The following RWDD2A variants were observed in gnomAD, a reference collection of about 807,000 sequenced individuals.
RWDD2A encodes RWD domain containing 2A.
RWDD2A carries 15 observed loss-of-function variants against 23.1 expected under a neutral mutation model. That is an observed-to-expected ratio of 0.65 (90% CI 0.43 to 1.00). RWDD2A has a LOEUF of 1.00. RWDD2A is among the 50% of genes least tolerant of loss of function. RWDD2A has a pLI of 0.00. For missense variants in RWDD2A, 310 were observed against 341.7 expected (o/e 0.91, Z 0.73); for synonymous variants, 103 against 123.0 (o/e 0.84, Z 1.08).
rs1325885422 is a variant in RWDD2A at position 83,197,128 on chromosome 6, T to C, written c.*856T>C. ...CAATGCTATGTGTTCTGGCTGTTTATATCAGTTCATGATACTAGCAATCCT... is the reference window on the plus strand; with the variant it reads ...CAATGCTATGTGTTCTGGCTGTTTACATCAGTTCATGATACTAGCAATCCT... On this transcript the variant is annotated 3_prime_UTR_variant, in exon 3 of 3. Transcript: ENST00000369724. 2 of 152,264 alleles carry C rather than the reference T, an allele frequency of 1.3e-5. No individual in the cohort carries two copies. Among genetic ancestry groups the C allele is most frequent in the Non-Finnish European group, 1.5e-5 (1 of 68,042 alleles). 9.4% of individuals were successfully genotyped at this position (152,264 alleles called of 1,614,324 possible).
rs1250845399 is a variant in RWDD2A, at chr6:83,193,663, G to T, written c.-141+220G>T. Among the ~76,000 whole-genome samples the T allele has an allele frequency of 2.0e-5, 3 of 152,188 alleles. No homozygotes were observed. The East Asian group carries it at 5.8e-4, about 29-fold the overall frequency. On this transcript the variant is annotated intron_variant, in intron 1 of 2. Coordinates refer to ENST00000369724, the MANE Select transcript of RWDD2A (RefSeq NM_033411.5). Reference sequence around the variant, plus strand: ...CGGACAGGGCGACCTCGCCCACAGTGAGCGCCGCCGGCGGCCCGCATCCCC... The same window carrying T: ...CGGACAGGGCGACCTCGCCCACAGTTAGCGCCGCCGGCGGCCCGCATCCCC...
In RWDD2A at chr6:83,195,777, G is replaced by A; in HGVS notation, c.384G>A (p.Gln128=). The A allele has an allele frequency of 6.2e-7, 1 of 1,614,156 alleles. No individual in the cohort carries two copies. Among genetic ancestry groups the A allele is most frequent in the Non-Finnish European group, 8.5e-7 (1 of 1,180,026 alleles). ...LCVCAAIQWL[Q]DNSASYFLNR... Reference sequence around the variant, plus strand: ...TATGTGCAGCAATCCAGTGGCTACAGGACAACAGTGCATCTTATTTCCTGA... The same window carrying A: ...TATGTGCAGCAATCCAGTGGCTACAAGACAACAGTGCATCTTATTTCCTGA... The change falls in exon 3 of 3, where the codon CAG becomes CAA. Residue 128 remains glutamine, a synonymous_variant. Coordinates refer to ENST00000369724, the MANE Select transcript of RWDD2A (RefSeq NM_033411.5).
At chr6:83,194,688 A>G in intron 2 of RWDD2A, 36 bp downstream of exon 2, 1 of 1,491,184 alleles carries the variant, frequency 6.7e-7, no homozygotes. Context: ...CCAGGTGCCC[A>G]GTTTTTAATT....
Position 83,198,471 on chromosome 6 carries a change from C to CA in RWDD2A, c.*2203dup, listed in dbSNP as rs1425264141. On this transcript the variant is annotated 3_prime_UTR_variant, in exon 3 of 3. Coordinates refer to ENST00000369724, the MANE Select transcript of RWDD2A (RefSeq NM_033411.5). ...AGAAAAAAAAAGTACATGTATAATT[C>CA]AAAACTCAACTTTGTATGTATAGGA... The CA allele has an allele frequency of 2.6e-5, 4 of 152,026 alleles. No homozygotes were observed. The highest frequency in any genetic ancestry group is 2.0e-4 in the Admixed American group (3 of 15,258). 9.4% of individuals were successfully genotyped at this position (152,026 alleles called of 1,614,324 possible).
chr6:83,195,789 A>G lies in RWDD2A; in HGVS notation c.396A>G (p.Ala132=), dbSNP rs879019455. 5.0e-6 allele frequency: 8 copies of G among 1,614,200 alleles called. No individual in the cohort carries two copies. The highest frequency in any genetic ancestry group is 6.8e-6 in the Non-Finnish European group (8 of 1,180,030). ...TCCAGTGGCTACAGGACAACAGTGC[A>G]TCTTATTTCCTGAACAGAAAGCTTG... ...AAIQWLQDNS[A]SYFLNRKLVY... Residue 132 remains alanine, a synonymous_variant, in exon 3 of 3, where the codon GCA becomes GCG. Coordinates refer to ENST00000369724, the MANE Select transcript of RWDD2A (RefSeq NM_033411.5).
Position 83,196,523 on chromosome 6 carries a change from A to G in RWDD2A, c.*251A>G, listed in dbSNP as rs1308800267. The G allele has an allele frequency of 3.8e-6, 1 of 260,198 alleles. No individual in the cohort carries two copies. Among genetic ancestry groups the G allele is most frequent in the Non-Finnish European group, 7.2e-6 (1 of 139,090 alleles). The allele number at this position is 260,198 out of a possible 1,614,324, so 16.1% of individuals were successfully genotyped here. ...AAACTATTTCATTGTAAATTAATAA[A>G]AACAATCCATTTAACTTGTGAAGCT... On this transcript the variant is annotated 3_prime_UTR_variant, in exon 3 of 3. Transcript: ENST00000369724.
chr6:83,194,964 C>T (rs1469843777), intron 2 of RWDD2A, among the ~76,000 whole-genome samples: 1 of 152,182 alleles, frequency 6.6e-6, no homozygotes, highest in Non-Finnish European at 1.5e-5. Context: ...TAAATATCTC[C>T]TGTAACATAA....
chr6:83,195,146 C>T (rs1313884270), intron 2 of RWDD2A, among the ~76,000 whole-genome samples: 1 of 152,200 alleles, frequency 6.6e-6, no homozygotes, highest in African/African-American at 2.4e-5. Context: ...CATTTGAGAA[C>T]CACTGTTGTA....
chr6:83,195,533 C>T, intron 2 of RWDD2A, 62 bp from the exon 3 acceptor site: 1 of 1,355,050 alleles, frequency 7.4e-7, no homozygotes, highest in Non-Finnish European at 1.0e-6. Context: ...CATGCAGTTG[C>T]TATTGATAAA....
chr6:83,196,482 G>A lies in RWDD2A; in HGVS notation c.*210G>A, dbSNP rs951620351. ...ATTGTGATGTTATCTCTAGGTTTTT[G>A]TGTGAAGTCATTCAAAAACTATTTC... On this transcript the variant is annotated 3_prime_UTR_variant, in exon 3 of 3. Coordinates refer to ENST00000369724, the MANE Select transcript of RWDD2A (RefSeq NM_033411.5). 2 of 341,882 alleles carry A rather than the reference G, an allele frequency of 5.8e-6. No homozygotes were observed. The highest frequency in any genetic ancestry group is 1.0e-5 in the Non-Finnish European group (2 of 191,788). 21.2% of individuals were successfully genotyped at this position (341,882 alleles called of 1,614,324 possible). A position where few individuals can be genotyped will look rare whatever the true frequency, so the allele number is the denominator to read the frequency against.
chr6:83,198,138 A>G lies in RWDD2A; in HGVS notation c.*1866A>G, dbSNP rs932890792. On this transcript the variant is annotated 3_prime_UTR_variant, in exon 3 of 3. Transcript: ENST00000369724. ...AGTCTCCACAAAGCTATCAATAAGTATAATTCGCATTTACAAGTTTTAGGC... is the reference window on the plus strand; with the variant it reads ...AGTCTCCACAAAGCTATCAATAAGTGTAATTCGCATTTACAAGTTTTAGGC... 2.6e-5 allele frequency: 4 copies of G among 152,252 alleles called. No individual in the cohort carries two copies. Among genetic ancestry groups the G allele is most frequent in the Non-Finnish European group, 5.9e-5 (4 of 68,048 alleles). The allele number at this position is 152,252 out of a possible 1,614,324, so 9.4% of individuals were successfully genotyped here. A position where few individuals can be genotyped will look rare whatever the true frequency, so the allele number is the denominator to read the frequency against.
In RWDD2A at chr6:83,198,211, C is replaced by A. The variant is rs1789666742; in HGVS notation, c.*1939C>A. The A allele has an allele frequency of 1.3e-5, 2 of 152,146 alleles. No individual in the cohort carries two copies. Among genetic ancestry groups the A allele is most frequent in the South Asian group, 4.1e-4 (2 of 4,834 alleles). The allele number at this position is 152,146 out of a possible 1,614,324, so 9.4% of individuals were successfully genotyped here. ...CAAATGAATCAATATGTGCCATCAA[C>A]CTACCTTATAGAGGTGTTTTTCCTG... On this transcript the variant is annotated 3_prime_UTR_variant, in exon 3 of 3. Transcript: ENST00000369724.
chr6:83,194,749 G>T, intron 2 of RWDD2A, 97 bp downstream of exon 2: 1 of 880,138 alleles, frequency 1.1e-6, no homozygotes. Context: ...AAATATTCCA[G>T]GTGCATATTT....
At position 83,197,239 on chromosome 6, in the gene RWDD2A, C is replaced by T. The variant is rs1361374414; in HGVS notation, c.*967C>T. ...AAGTATTCGCCTGTTTCAATCCAACCTTTGCCTGTGTGCCAGTATGCATTA... is the reference window on the plus strand; with the variant it reads ...AAGTATTCGCCTGTTTCAATCCAACTTTTGCCTGTGTGCCAGTATGCATTA... On this transcript the variant is annotated 3_prime_UTR_variant, in exon 3 of 3. Coordinates refer to ENST00000369724, the MANE Select transcript of RWDD2A (RefSeq NM_033411.5). 1 of 152,132 alleles carries T rather than the reference C, an allele frequency of 6.6e-6. No homozygotes were observed. The highest frequency in any genetic ancestry group is 1.5e-5 in the Non-Finnish European group (1 of 68,044). The allele number at this position is 152,132 out of a possible 1,614,324, so 9.4% of individuals were successfully genotyped here.
rs1469370932 is a variant in RWDD2A, at chr6:83,196,299, A to G, written c.*27A>G. ...AAGCGATTAAGAGGCCTATGCCTGT[A>G]ATTTCACTAAGTCAGTATTTCTGTT... is the stretch of plus-strand genomic sequence containing the variant. On this transcript the variant is annotated 3_prime_UTR_variant, in exon 3 of 3. Coordinates refer to ENST00000369724, the MANE Select transcript of RWDD2A (RefSeq NM_033411.5). 1 of 1,485,716 alleles carries G rather than the reference A, an allele frequency of 6.7e-7. No individual in the cohort carries two copies. Among genetic ancestry groups the G allele is most frequent in the South Asian group, 1.4e-5 (1 of 69,480 alleles). 92.0% of individuals were successfully genotyped at this position (1,485,716 alleles called of 1,614,324 possible). A position where few individuals can be genotyped will look rare whatever the true frequency, so the allele number is the denominator to read the frequency against.
In RWDD2A at chr6:83,197,742, C is replaced by T. The variant is rs1355864554; in HGVS notation, c.*1470C>T. ...TGATGAAACTACCATCTGGTTTTAC[C>T]CTCTGTGCCGTGGATGCAGACGTGT... On this transcript the variant is annotated 3_prime_UTR_variant, in exon 3 of 3. Transcript: ENST00000369724. 2.0e-5 allele frequency: 3 copies of T among 152,334 alleles called. No homozygotes were observed. The highest frequency in any genetic ancestry group is 1.9e-4 in the East Asian group (1 of 5,186). 9.4% of individuals were successfully genotyped at this position (152,334 alleles called of 1,614,324 possible).
chr6:83,193,540 G>A (rs1009830317), intron 1 of RWDD2A, 97 bp downstream of exon 1: 28 of 152,302 alleles, frequency 1.8e-4, no homozygotes, highest in African/African-American at 6.3e-4. Flanking sequence ...CCAAATCCGG[G>A]CCTCTGGGGG....
intron 2 of RWDD2A, among the ~76,000 whole-genome samples, chr6:83,195,180 T>A (rs1789519068): frequency 6.6e-6 from 1 of 152,262 alleles, no homozygotes; most frequent in South Asian, 2.1e-4. Flanking sequence ...CATCCTTCAG[T>A]TGTTATTCCC....
Position 83,197,176 on chromosome 6 carries a change from T to G in RWDD2A, c.*904T>G, listed in dbSNP as rs1214268035. ...CCTGATACCAGTATTAGTTTAATTCTTATCCAGAAAAGATAAACACATGGT... is the reference window on the plus strand; with the variant it reads ...CCTGATACCAGTATTAGTTTAATTCGTATCCAGAAAAGATAAACACATGGT... On this transcript the variant is annotated 3_prime_UTR_variant, in exon 3 of 3. Transcript: ENST00000369724. 1 of 152,220 alleles carries G rather than the reference T, an allele frequency of 6.6e-6. No homozygotes were observed. The highest frequency in any genetic ancestry group is 1.5e-5 in the Non-Finnish European group (1 of 68,050). 9.4% of individuals were successfully genotyped at this position (152,220 alleles called of 1,614,324 possible).
Sources: gnomAD v4.1 joint callset for allele counts (sites outside exome capture counted in the v4.1 genomes callset) on GRCh38, gnomAD v4.1.1 for gene constraint, MANE v1.5 for transcripts, NCBI Gene and HGNC (gene_info 2026-07-23, HGNC 2026-07-21) for gene names.